Variants in MACC1 observed in about 807,000 individuals in gnomAD.
MACC1 encodes the protein MET transcriptional regulator MACC1, also known as metastasis-associated in colon cancer protein 1.
MACC1 carries 79 observed loss-of-function variants against 70.7 expected under a neutral mutation model. The ratio of observed to expected loss-of-function variants is 1.12; its 90% CI spans 0.93 to 1.35. MACC1 has a LOEUF of 1.35. Ranked by LOEUF, MACC1 falls within the 40% of genes most tolerant of loss-of-function variation. MACC1 has a pLI of 0.00. For synonymous variants in MACC1, 361 were observed against 347.2 expected, an observed-to-expected ratio of 1.04 and a Z score of -0.44; for missense variants, 1,106 against 978.1, an observed-to-expected ratio of 1.13 and a Z score of -1.74.
rs1488311775 is a variant in MACC1 at position 20,140,472 on chromosome 7, C to T, written c.*474G>A. ...TGGCCACAGGGTGTGTGCTTGCTTC[C>T]CCTCTTTCTAGCTGCCTCCTGGGAA... On this transcript the variant is annotated 3_prime_UTR_variant, in exon 7 of 7. Transcript: ENST00000400331. 1 of 152,652 alleles carries T rather than the reference C, an allele frequency of 6.6e-6. No homozygotes were observed. Among genetic ancestry groups the T allele is most frequent in the Non-Finnish European group, 1.5e-5 (1 of 68,362 alleles). 9.5% of individuals were successfully genotyped at this position (152,652 alleles called of 1,614,324 possible).
chr7:20,214,795 G>T (rs779105753), intron 1 of MACC1, among the ~76,000 whole-genome samples: 38 of 152,100 alleles, frequency 2.5e-4, no homozygotes, highest in Non-Finnish European at 4.4e-4. Context: ...TAATCTTAAT[G>T]TTATTGTTAT....
At chr7:20,213,723 T>A (rs1258270493) in intron 1 of MACC1, among the ~76,000 whole-genome samples, 1 of 151,838 alleles carries the variant, frequency 6.6e-6, no homozygotes. Flanking sequence ...CATGGACACA[T>A]AAAGGGGAAC....
rs1782390009 is a variant in MACC1, at chr7:20,176,183, T to C, written c.-217-5405A>G. Among the ~76,000 whole-genome samples, 2 of 152,172 alleles carry C rather than the reference T, an allele frequency of 1.3e-5. 1 individual carries two copies. The highest frequency in any genetic ancestry group is 4.1e-4 in the South Asian group (2 of 4,834). ...TATTTTTAGGTTTCTGAATAGACTA[T>C]TGTTTTATGGTCAGAGTATAATTTA... On this transcript the variant is annotated intron_variant, in intron 1 of 6. Coordinates refer to ENST00000400331, the MANE Select transcript of MACC1 (RefSeq NM_182762.4).
At chr7:20,146,651 T>C (rs1439437686) in intron 6 of MACC1, among the ~76,000 whole-genome samples, 1 of 152,238 alleles carries the variant, frequency 6.6e-6, no homozygotes, top group Non-Finnish European at 1.5e-5. Flanking sequence ...GTCTTGTATC[T>C]ATTCTGTGTT....
Position 20,200,676 on chromosome 7 carries a change from T to C in MACC1, c.-218+16623A>G, listed in dbSNP as rs73278507. Among the ~76,000 whole-genome samples, 1,439 of 152,282 alleles carry C rather than the reference T, an allele frequency of 9.4e-3. 27 individuals carry two copies. The highest frequency in any genetic ancestry group is 0.033 in the African/African-American group (1,358 of 41,554). On this transcript the variant is annotated intron_variant, in intron 1 of 6. Coordinates refer to ENST00000400331, the MANE Select transcript of MACC1 (RefSeq NM_182762.4). ...CTTTTTTTGCTGGAGCCAGAAGAAA[T>C]CTTTTCACTGATGCACAGTCAGATA...
At chr7:20,208,848 G>A (rs1281618521) in intron 1 of MACC1, among the ~76,000 whole-genome samples, 1 of 152,206 alleles carries the variant, frequency 6.6e-6, no homozygotes, top group African/African-American at 2.4e-5. Context: ...GCAGGGCCAA[G>A]GGCCCCACTG....
chr7:20,193,276 C>T (rs575702235), intron 1 of MACC1, among the ~76,000 whole-genome samples: 204 of 152,230 alleles, frequency 1.3e-3, no homozygotes, highest in African/African-American at 4.4e-3. Context: ...TATAAGCTAT[C>T]AACTTAGGGC....
In MACC1 at chr7:20,137,439, G is replaced by T. The variant is rs1161064566; in HGVS notation, c.*3507C>A. ...CACTATTGAATGCTTCTACTTAATT[G>T]TTTCATATAAAGGCTTTAACACAAA... On this transcript the variant is annotated 3_prime_UTR_variant, in exon 7 of 7. Coordinates refer to ENST00000400331, the MANE Select transcript of MACC1 (RefSeq NM_182762.4). 2 of 152,156 alleles carry T rather than the reference G, an allele frequency of 1.3e-5. No homozygotes were observed. The highest frequency in any genetic ancestry group is 2.9e-5 in the Non-Finnish European group (2 of 68,032). 9.4% of individuals were successfully genotyped at this position (152,156 alleles called of 1,614,324 possible). A position where few individuals can be genotyped will look rare whatever the true frequency, so the allele number is the denominator to read the frequency against.
intron 6 of MACC1, among the ~76,000 whole-genome samples, chr7:20,147,800 GAGGACCTA>G (rs975025131): frequency 6.6e-6 from 1 of 152,216 alleles, no homozygotes; most frequent in African/African-American, 2.4e-5. Context: ...GAGGAAGACA[GAGGACCTA>G]TTCCTTGCTA....
intron 1 of MACC1, among the ~76,000 whole-genome samples, chr7:20,196,516 A>C (rs1171414571): frequency 6.6e-6 from 1 of 152,118 alleles, no homozygotes; most frequent in East Asian, 1.9e-4. Flanking sequence ...TTTTGTAATT[A>C]GGTACATCCA....
intron 1 of MACC1, among the ~76,000 whole-genome samples, chr7:20,180,555 C>T (rs1178917512): frequency 1.3e-5 from 2 of 151,572 alleles, no homozygotes; most frequent in Non-Finnish European, 2.9e-5. Flanking sequence ...ATTAATAATT[C>T]TAAAGTGTGC....
At chr7:20,167,972 G>A (rs1782245385) in intron 2 of MACC1, among the ~76,000 whole-genome samples, 1 of 152,128 alleles carries the variant, frequency 6.6e-6, no homozygotes, top group Non-Finnish European at 1.5e-5. Flanking sequence ...TTACTCTTCA[G>A]ACCCAGAGAA....
Position 20,159,376 on chromosome 7 carries a change from A to G in MACC1, c.985T>C (p.Tyr329His). ...AGCTTGACTTGGATGGTGTCTTTATAAATGTAGCAGTTGCTTAAAACTTTA... is the reference window on the plus strand; with the variant it reads ...AGCTTGACTTGGATGGTGTCTTTATGAATGTAGCAGTTGCTTAAAACTTTA... ...PFKVLSNCYI[Y>H]KDTIQVKLID... Residue 329 changes from tyrosine (Y) to histidine (H), a missense_variant, in exon 5 of 7, where the codon TAT becomes CAT. Tyr to His is a moderately conservative substitution (Grantham distance 83). Transcript: ENST00000400331. 1 of 1,614,056 alleles carries G rather than the reference A, an allele frequency of 6.2e-7. No homozygotes were observed. Among genetic ancestry groups the G allele is most frequent in the Non-Finnish European group, 8.5e-7 (1 of 1,180,014 alleles).
At chr7:20,209,022 A>G (rs1782955704) in intron 1 of MACC1, among the ~76,000 whole-genome samples, 2 of 152,230 alleles carry the variant, frequency 1.3e-5, no homozygotes, top group South Asian at 4.1e-4. Context: ...GCAGAGGTCA[A>G]GAATTGAGGT....
chr7:20,216,663 C>T (rs1227837941), intron 1 of MACC1, among the ~76,000 whole-genome samples: 3 of 152,128 alleles, frequency 2.0e-5, no homozygotes, highest in Non-Finnish European at 4.4e-5. Flanking sequence ...TAGGATGAAG[C>T]CAAGTTACCC....
At chr7:20,191,683 G>A (rs563521632) in intron 1 of MACC1, among the ~76,000 whole-genome samples, 1 of 152,290 alleles carries the variant, frequency 6.6e-6, no homozygotes, top group African/African-American at 2.4e-5. Flanking sequence ...AGTGAGTCAC[G>A]CTTTCTCTCG....
At chr7:20,147,854 A>C (rs1454131197) in intron 6 of MACC1, among the ~76,000 whole-genome samples, 4 of 152,120 alleles carry the variant, frequency 2.6e-5, no homozygotes, top group Non-Finnish European at 1.5e-5. Flanking sequence ...TTATAGGAAA[A>C]CCTGCTGGTT....
At chr7:20,141,486 A>T (rs1781801456) in intron 6 of MACC1, among the ~76,000 whole-genome samples, 3 of 152,188 alleles carry the variant, frequency 2.0e-5, no homozygotes, top group Admixed American at 6.5e-5. Context: ...TGTTATTGAG[A>T]TAGGCTTTTT....
At chr7:20,168,057 T>C (rs1782247597) in intron 2 of MACC1, among the ~76,000 whole-genome samples, 2 of 152,208 alleles carry the variant, frequency 1.3e-5, no homozygotes, top group African/African-American at 4.8e-5. Flanking sequence ...ATCTTACAGA[T>C]GATGAACCAA....
Sources: allele counts gnomAD v4.1 joint callset (sites outside exome capture counted in the v4.1 genomes callset), GRCh38; gene constraint gnomAD v4.1.1; transcripts MANE v1.5; gene names NCBI Gene and HGNC (gene_info 2026-07-23, HGNC 2026-07-21).